Variants in PHF12 observed in about 807,000 individuals in gnomAD.
PHF12 encodes the protein PHD factor 1.
PHF12 carries 6 observed loss-of-function variants against 99.8 expected under a neutral mutation model. That is an observed-to-expected ratio of 0.06 (90% CI 0.03 to 0.12). PHF12 has a LOEUF of 0.12. PHF12 is among the 10% of genes least tolerant of loss of function. PHF12 has a pLI of 1.00. For missense variants in PHF12, 954 were observed against 1,300.1 expected (o/e 0.73, Z 4.09); for synonymous variants, 480 against 514.9 (o/e 0.93, Z 0.92).
chr17:28,908,920 C>T, intron 11 of PHF12, 39 bp from the exon 12 acceptor site: 2 of 1,565,204 alleles, frequency 1.3e-6, no homozygotes, highest in African/African-American at 2.7e-5. Context: ...TTCAGAAACT[C>T]AGATCCTGTG....
chr17:28,910,435 G>C, intron 10 of PHF12, 66 bp from the exon 11 acceptor site: 1 of 1,525,250 alleles, frequency 6.6e-7, no homozygotes, highest in Non-Finnish European at 8.9e-7. Context: ...AGCAAATCAG[G>C]GTCACAGAGC....
chr17:28,951,060 T>G lies in PHF12; in HGVS notation c.-100A>C. The G allele has an allele frequency of 6.3e-7, 1 of 1,576,366 alleles. No homozygotes were observed. Among genetic ancestry groups the G allele is most frequent in the Non-Finnish European group, 8.6e-7 (1 of 1,161,750 alleles). ...GGGGCGCTCCTGACCCCGGCCCCGCTTTTTTCCCAATACGGGTCCCGACTT... is the reference window on the plus strand; with the variant it reads ...GGGGCGCTCCTGACCCCGGCCCCGCGTTTTTCCCAATACGGGTCCCGACTT... On this transcript the variant is annotated 5_prime_UTR_variant, in exon 1 of 15. Coordinates refer to ENST00000332830, the MANE Select transcript of PHF12 (RefSeq NM_001033561.2).
At chr17:28,936,085 T>C (rs7212785) in intron 2 of PHF12, among the ~76,000 whole-genome samples, 2,482 of 152,298 alleles carry the variant, frequency 0.016, 59 homozygotes, top group African/African-American at 0.056. Context: ...ATGTTGGTAG[T>C]TGTCATGGTT....
chr17:28,938,243 CTTTT>C (rs1292872499), intron 2 of PHF12, among the ~76,000 whole-genome samples: 1 of 152,040 alleles, frequency 6.6e-6, no homozygotes, highest in East Asian at 1.9e-4. Context: ...TTCTTTCTTT[CTTTT>C]TGAGATGGAG....
At chr17:28,930,007 T>G (rs2152670704) in intron 2 of PHF12, 1 of 152,378 alleles carries the variant, frequency 6.6e-6, no homozygotes, top group African/African-American at 2.4e-5. Context: ...ATCTGCCCAC[T>G]GGCTTTGTAC....
intron 2 of PHF12, among the ~76,000 whole-genome samples, chr17:28,948,598 G>A (rs2040755858): frequency 1.3e-5 from 2 of 152,172 alleles, no homozygotes; most frequent in African/African-American, 2.4e-5. Context: ...CATAACTTCT[G>A]ACCATAAACT....
intron 3 of PHF12, chr17:28,924,660 A>T (rs1567961134): frequency 3.0e-6 from 1 of 332,082 alleles, no homozygotes; most frequent in Non-Finnish European, 5.8e-6. Context: ...CCAATAGTAA[A>T]AATCAATGGG....
Position 28,950,001 on chromosome 17 carries a change from C to A in PHF12, c.248+64G>T. 6.8e-7 allele frequency: 1 copy of A among 1,460,782 alleles called. No homozygotes were observed. The highest frequency in any genetic ancestry group is 9.1e-7 in the Non-Finnish European group (1 of 1,095,340). The allele number at this position is 1,460,782 out of a possible 1,614,324, so 90.5% of individuals were successfully genotyped here. The stretch of plus-strand genomic sequence containing the variant: ...CGTTATTTCGGCAGTCAGGGGCAGG[C>A]CGGGTGAAGGAATGCGCAGAGAAGG... On this transcript the variant is annotated intron_variant, in intron 2 of 14. Coordinates refer to ENST00000332830, the MANE Select transcript of PHF12 (RefSeq NM_001033561.2). The surrounding 1 kb of genome is among the most constrained non-coding windows in gnomAD (Gnocchi z 5.7).
chr17:28,927,307 G>A (rs2040298264), intron 2 of PHF12, among the ~76,000 whole-genome samples: 1 of 151,914 alleles, frequency 6.6e-6, no homozygotes. Flanking sequence ...GTAGGGAAAG[G>A]TATAATAAAA....
At chr17:28,933,012 A>G (rs113963553) in intron 2 of PHF12, among the ~76,000 whole-genome samples, 5 of 152,314 alleles carry the variant, frequency 3.3e-5, no homozygotes, top group African/African-American at 1.2e-4. Flanking sequence ...GCAACTCTGA[A>G]AACAATTACA....
At position 28,905,999 on chromosome 17, in the gene PHF12, G is replaced by A. The variant is rs780046442; in HGVS notation, c.*184C>T. The A allele has an allele frequency of 1.6e-5, 10 of 642,654 alleles. No homozygotes were observed. In the African/African-American group the frequency reaches 1.7e-4, roughly 11 times the overall value. 39.8% of individuals were successfully genotyped at this position (642,654 alleles called of 1,614,324 possible). ...CAAATATATGTGCAAATGCCCCCTAGAACTTGAGAAAAGAAAAAGGATTTT... is the reference window on the plus strand; with the variant it reads ...CAAATATATGTGCAAATGCCCCCTAAAACTTGAGAAAAGAAAAAGGATTTT... On this transcript the variant is annotated 3_prime_UTR_variant, in exon 15 of 15. Transcript: ENST00000332830.
chr17:28,913,077 T>A lies in PHF12; in HGVS notation c.1494A>T (p.Ser498=), dbSNP rs1445544603. 1.2e-6 allele frequency: 2 copies of A among 1,614,036 alleles called. No homozygotes were observed. The highest frequency in any genetic ancestry group is 1.7e-6 in the Non-Finnish European group (2 of 1,180,014). ...TPSHYPLSCP[S]GISTQNSLSC... is the part of the protein sequence containing the mutation. ...TCAGGGAATTCTGGGTGCTAATCCC[T>A]GAGGGGCAGGACAAGGGGTAGTGGG... The change falls in exon 9 of 15, where the codon TCA becomes TCT. Residue 498 remains serine, a synonymous_variant. Transcript: ENST00000332830.
At chr17:28,936,268 A>T (rs1404801171) in intron 2 of PHF12, among the ~76,000 whole-genome samples, 1 of 152,180 alleles carries the variant, frequency 6.6e-6, no homozygotes, top group Non-Finnish European at 1.5e-5. Context: ...GCACCATGTT[A>T]ATTATCCATC....
chr17:28,946,462 C>T (rs889431043), intron 2 of PHF12, among the ~76,000 whole-genome samples: 2 of 152,030 alleles, frequency 1.3e-5, no homozygotes, highest in Non-Finnish European at 2.9e-5. Flanking sequence ...TTTGACTAGT[C>T]ATTTCCTTAC....
At chr17:28,946,887 T>C (rs1205581457) in intron 2 of PHF12, among the ~76,000 whole-genome samples, 2 of 152,158 alleles carry the variant, frequency 1.3e-5, no homozygotes, top group Non-Finnish European at 2.9e-5. Context: ...ATCATTATCA[T>C]GCCTACCTAA....
chr17:28,923,664 A>AAAAAAAAAAAAAAAAAAAAAAAAAAAAAG (rs1567959799), intron 4 of PHF12, among the ~76,000 whole-genome samples: 1 of 147,310 alleles, frequency 6.8e-6, no homozygotes, highest in Non-Finnish European at 1.5e-5. Context: ...AAAAAAAAAA[A>AAAAAAAAAAAAAAAAAAAAAAAAAAAAAG]AAAAAAAAAA....
Position 28,917,469 on chromosome 17 carries a change from A to G in PHF12, c.970-20T>C, listed in dbSNP as rs1241014379. 3.2e-6 allele frequency: 5 copies of G among 1,577,466 alleles called. No individual in the cohort carries two copies. Among genetic ancestry groups the G allele is most frequent in the Non-Finnish European group, 3.4e-6 (4 of 1,160,404 alleles). Reference sequence around the variant, plus strand: ...GTTCAGCTAGGGACAAAGCAGACACAACCTTGTGGTGAGCCTCAAAAGGCA... The same window carrying G: ...GTTCAGCTAGGGACAAAGCAGACACGACCTTGTGGTGAGCCTCAAAAGGCA... On this transcript the variant is annotated intron_variant, in intron 6 of 14. Transcript: ENST00000332830.
Position 28,949,728 on chromosome 17 carries a change from G to A in PHF12, c.248+337C>T. The A allele has an allele frequency of 4.9e-6, 1 of 202,050 alleles. No individual in the cohort carries two copies. Among genetic ancestry groups the A allele is most frequent in the Non-Finnish European group, 1.0e-5 (1 of 100,486 alleles). 12.5% of individuals were successfully genotyped at this position (202,050 alleles called of 1,614,324 possible). A position where few individuals can be genotyped will look rare whatever the true frequency, so the allele number is the denominator to read the frequency against. The stretch of plus-strand genomic sequence containing the variant: ...GCAGCGGGCGCGCGGGCAGGCAAGC[G>A]GCACTGGGCCCGGAGCTCCTCCCCT... On this transcript the variant is annotated intron_variant, in intron 2 of 14. Transcript: ENST00000332830. This position sits in a 1 kb window ranked among gnomAD's most constrained non-coding sequence, Gnocchi z 4.6.
At chr17:28,941,942 T>A (rs749676958) in intron 2 of PHF12, among the ~76,000 whole-genome samples, 2 of 152,166 alleles carry the variant, frequency 1.3e-5, no homozygotes, top group Non-Finnish European at 2.9e-5. Flanking sequence ...CCTCCAAGTA[T>A]GAGAAGTGCT....
Sources: allele counts gnomAD v4.1 joint callset (sites outside exome capture counted in the v4.1 genomes callset), GRCh38; gene constraint gnomAD v4.1.1; non-coding constraint Gnocchi (gnomAD v3.1); transcripts MANE v1.5; gene names NCBI Gene and HGNC (gene_info 2026-07-23, HGNC 2026-07-21).